DISC1: variants seen among roughly 807,000 people sequenced by gnomAD.
The protein encoded by DISC1 is disrupted in schizophrenia 1 protein.
DISC1 carries 57 observed loss-of-function variants against 84.5 expected under a neutral mutation model. The observed-to-expected ratio is 0.67, with a 90% confidence interval of 0.55 to 0.84. The LOEUF (loss-of-function observed/expected upper bound fraction) is 0.84, where lower values mean the gene tolerates loss of function less well. DISC1 is among the 40% of genes least tolerant of loss of function. The probability of loss-of-function intolerance (pLI) is 0.00; values close to 1 mark genes in which losing one functional copy is unlikely to be tolerated. For synonymous variants in DISC1, 411 were observed against 415.2 expected (o/e 0.99, Z 0.12); for missense variants, 1,000 against 1,057.8 (o/e 0.95, Z 0.76).
intron 9 of DISC1, among the ~76,000 whole-genome samples, chr1:231,901,943 G>A (rs978960800): frequency 6.6e-6 from 1 of 152,110 alleles, no homozygotes; most frequent in African/African-American, 2.4e-5. Flanking sequence ...GGGCCACTGT[G>A]TATGGTTGTT....
At chr1:232,001,533 A>G (rs1666690409) in intron 10 of DISC1, among the ~76,000 whole-genome samples, 1 of 152,240 alleles carries the variant, frequency 6.6e-6, no homozygotes, top group Non-Finnish European at 1.5e-5. Flanking sequence ...AAAGAGATAT[A>G]ATCCAACATA....
chr1:231,969,541 T>C (rs545832429), intron 10 of DISC1, among the ~76,000 whole-genome samples: 3 of 151,866 alleles, frequency 2.0e-5, no homozygotes, highest in African/African-American at 7.2e-5. Flanking sequence ...CGTCTTGACC[T>C]CAGAGACAGC....
chr1:231,863,501 G>A (rs1424587467), intron 9 of DISC1, among the ~76,000 whole-genome samples: 1 of 152,076 alleles, frequency 6.6e-6, no homozygotes, highest in Non-Finnish European at 1.5e-5. Context: ...AAAGTGCTGG[G>A]ATTACATGCG....
At chr1:231,901,566 A>G (rs1571922895) in intron 9 of DISC1, among the ~76,000 whole-genome samples, 1 of 152,178 alleles carries the variant, frequency 6.6e-6, no homozygotes, top group Non-Finnish European at 1.5e-5. Context: ...CATTCGGCCC[A>G]TGAAGCTCTG....
In DISC1 at chr1:232,008,950, C is replaced by T. The variant is rs374429738; in HGVS notation, c.2208C>T (p.Leu736=). Residue 736 remains leucine (L), a synonymous_variant, in exon 11 of 13, where the codon CTC becomes CTT. Transcript: ENST00000439617. ...EGAAPPIPPR[L]HSEDKRKTPL... ...CTGCTCCTCCTATTCCCCCCAGGCT[C>T]CACTCCGAGGATAAAAGGAAGACCC... 7.8e-5 allele frequency: 126 copies of T among 1,613,658 alleles called. No homozygotes were observed. Among genetic ancestry groups the T allele is most frequent in the Non-Finnish European group, 1.0e-4 (118 of 1,179,822 alleles).
chr1:231,865,812 A>T (rs553327816), intron 9 of DISC1, among the ~76,000 whole-genome samples: 1 of 152,312 alleles, frequency 6.6e-6, no homozygotes, highest in East Asian at 1.9e-4. Flanking sequence ...TATTCATACA[A>T]GGCCCTCTTG....
intron 9 of DISC1, among the ~76,000 whole-genome samples, chr1:231,898,342 G>A (rs890282495): frequency 1.1e-4 from 16 of 152,148 alleles, no homozygotes; most frequent in African/African-American, 3.4e-4. Context: ...CTCAGGGGTG[G>A]GCCAGTTCTG....
chr1:231,733,486 GC>G (rs1260361965), intron 3 of DISC1, among the ~76,000 whole-genome samples: 82 of 151,410 alleles, frequency 5.4e-4, no homozygotes, highest in Non-Finnish European at 9.6e-4. Flanking sequence ...AGTGGTAGTG[GC>G]TGTGGCAGTG....
intron 1 of DISC1, among the ~76,000 whole-genome samples, chr1:231,673,455 G>A (rs1040439132): frequency 2.0e-5 from 3 of 152,162 alleles, no homozygotes; most frequent in African/African-American, 7.2e-5. Context: ...AGCCTCTTGA[G>A]TAGCTGGGAC....
rs962648999 is a variant in DISC1 at position 231,904,075 on chromosome 1, C to T, written c.1982-54753C>T. ...TTCAAGGTTAAGTAGCCTGGAAGCT[C>T]AGTCCTCTCTCTTCAATGATCCATG... On this transcript the variant is annotated intron_variant, in intron 9 of 12. Transcript: ENST00000439617. 2.0e-5 allele frequency among the ~76,000 whole-genome samples: 3 copies of T among 152,320 alleles called. No individual in the cohort carries two copies. In the East Asian group the frequency reaches 5.8e-4, roughly 29 times the overall value.
chr1:231,738,464 C>T (rs1199302301), intron 3 of DISC1, among the ~76,000 whole-genome samples: 1 of 152,098 alleles, frequency 6.6e-6, no homozygotes, highest in African/African-American at 2.4e-5. Flanking sequence ...GGATGACCTT[C>T]AGCCTGGGTC....
chr1:231,741,733 T>C (rs2073307980), intron 3 of DISC1, among the ~76,000 whole-genome samples: 1 of 152,198 alleles, frequency 6.6e-6, no homozygotes, highest in Non-Finnish European at 1.5e-5. Context: ...GGAGGAAGAA[T>C]GACTCTGGCA....
Position 231,800,313 on chromosome 1 carries a change from C to G in DISC1, c.1792+103C>G, listed in dbSNP as rs140787638. On this transcript the variant is annotated intron_variant, in intron 8 of 12. Coordinates refer to ENST00000439617, the MANE Select transcript of DISC1 (RefSeq NM_018662.3). The stretch of plus-strand genomic sequence containing the variant: ...GATGAACATTCCACTGTTATTATGT[C>G]ATTCTCAGACATCTGAAAGCTTTTC... 599 of 922,368 alleles carry G rather than the reference C, an allele frequency of 6.5e-4. 3 individuals are homozygous for G. The African/African-American group carries it at 8.8e-3, about 13-fold the overall frequency. The allele number at this position is 922,368 out of a possible 1,614,324, so 57.1% of individuals were successfully genotyped here.
At chr1:231,702,066 C>A in intron 3 of DISC1, 42 bp downstream of exon 3, 2 of 1,584,106 alleles carry the variant, frequency 1.3e-6, no homozygotes, top group Non-Finnish European at 1.7e-6. Context: ...TCATCATGTC[C>A]CAATTTTCTT....
At chr1:231,836,896 A>G (rs532147829) in intron 9 of DISC1, among the ~76,000 whole-genome samples, 1 of 139,064 alleles carries the variant, frequency 7.2e-6, no homozygotes, top group South Asian at 2.2e-4. Flanking sequence ...TTGGACCCAT[A>G]TTTGTAGTCA....
chr1:232,014,956 C>G (rs904251107), intron 11 of DISC1, among the ~76,000 whole-genome samples: 1 of 152,186 alleles, frequency 6.6e-6, no homozygotes, highest in South Asian at 2.1e-4. Context: ...TTAAATATAA[C>G]TGGCCTACAG....
At chr1:231,902,117 AGAAGT>A (rs1322051378) in intron 9 of DISC1, among the ~76,000 whole-genome samples, 2 of 152,156 alleles carry the variant, frequency 1.3e-5, no homozygotes, top group Admixed American at 6.5e-5. Context: ...TTTAACAAAA[AGAAGT>A]GAAGTGTCTT....
chr1:231,827,038 G>GA (rs2081904744), intron 9 of DISC1, among the ~76,000 whole-genome samples: 1 of 152,096 alleles, frequency 6.6e-6, no homozygotes, highest in African/African-American at 2.4e-5. Context: ...GCCAAGGCTG[G>GA]AGTGCAGTGG....
chr1:231,949,825 C>G (rs1250047847), intron 9 of DISC1, among the ~76,000 whole-genome samples: 1 of 152,186 alleles, frequency 6.6e-6, no homozygotes, highest in Non-Finnish European at 1.5e-5. Context: ...TTGCGAAATT[C>G]CCTCAGTGAA....
Sources: gnomAD v4.1 joint callset for allele counts (sites outside exome capture counted in the v4.1 genomes callset) on GRCh38, gnomAD v4.1.1 for gene constraint, MANE v1.5 for transcripts, NCBI Gene and HGNC (gene_info 2026-07-23, HGNC 2026-07-21) for gene names.